The following OGDHL variants were observed in gnomAD, a reference collection of about 807,000 sequenced individuals.
The protein encoded by OGDHL is 2-oxoglutarate dehydrogenase-like, mitochondrial.
A neutral mutation model predicts 109.6 loss-of-function variants in OGDHL; 79 were observed. That is an observed-to-expected ratio of 0.72 (90% confidence interval 0.60 to 0.87). The LOEUF (loss-of-function observed/expected upper bound fraction) is 0.87. Ranked by LOEUF, OGDHL falls within the 40% of genes least tolerant of loss-of-function variation. The probability of loss-of-function intolerance (pLI) is 0.00; values close to 1 mark genes in which losing one functional copy is unlikely to be tolerated. For missense variants in OGDHL, 1,275 were observed against 1,362.2 expected, an observed-to-expected ratio of 0.94 and a Z score of 1.01; for synonymous variants, 528 against 537.2, an observed-to-expected ratio of 0.98 and a Z score of 0.24.
chr10:49,738,112 C>T (rs746975896), intron 18 of OGDHL, 40 bp from the exon 19 acceptor site: 9 of 1,613,986 alleles, frequency 5.6e-6, no homozygotes, highest in Non-Finnish European at 7.6e-6. Flanking sequence ...TGGCTGTCTG[C>T]TGCACCCACA....
chr10:49,744,618 G>A (rs1421205391), intron 13 of OGDHL, 32 bp downstream of exon 13: 1 of 1,554,186 alleles, frequency 6.4e-7, no homozygotes, highest in Admixed American at 1.7e-5. Context: ...AGGCCCAGGG[G>A]AGTCCCTCTG....
chr10:49,743,481 A>C, intron 14 of OGDHL: 1 of 166,224 alleles, frequency 6.0e-6, no homozygotes, highest in Non-Finnish European at 1.3e-5. Context: ...GCCACAGGGG[A>C]CCCTCCGGAC....
At chr10:49,740,489 TC>T (rs1406874659) in intron 16 of OGDHL, among the ~76,000 whole-genome samples, 4 of 151,480 alleles carry the variant, frequency 2.6e-5, no homozygotes, top group Non-Finnish European at 5.9e-5. Flanking sequence ...GGCAAGGAGG[TC>T]CCCCCAACTG....
chr10:49,743,957 C>T (rs759496240), intron 14 of OGDHL, 37 bp downstream of exon 14: 14 of 1,600,554 alleles, frequency 8.7e-6, no homozygotes, highest in Middle Eastern at 3.5e-4. Flanking sequence ...TGGGGTGGGG[C>T]CAGCAGCCTG....
intron 22 of OGDHL, 43 bp downstream of exon 22, chr10:49,735,980 C>T: frequency 6.5e-7 from 1 of 1,530,308 alleles, no homozygotes; most frequent in Non-Finnish European, 8.8e-7. Flanking sequence ...AGGACAGAGC[C>T]TCAGGGCCGA....
At chr10:49,740,250 T>G (rs953054493) in intron 16 of OGDHL, among the ~76,000 whole-genome samples, 1 of 151,620 alleles carries the variant, frequency 6.6e-6, no homozygotes, top group Admixed American at 6.6e-5. Flanking sequence ...TAATGATGCA[T>G]CTGAGGGAGA....
chr10:49,735,562 C>T (rs2132927055), intron 22 of OGDHL, among the ~76,000 whole-genome samples: 1 of 152,352 alleles, frequency 6.6e-6, no homozygotes, highest in Admixed American at 6.5e-5. Context: ...GAGAAACTGT[C>T]CCTCCATGTC....
Position 49,742,848 on chromosome 10 carries a change from A to G in OGDHL, c.1992T>C (p.Asp664=). 1 of 1,613,478 alleles carries G rather than the reference A, an allele frequency of 6.2e-7. No individual in the cohort carries two copies. The highest frequency in any genetic ancestry group is 8.5e-7 in the Non-Finnish European group (1 of 1,179,854). ...CTCACCTGAATGTGCCCCTCTCCAC[A>G]TCCTGCCCGCTGAGCCGCACGTGGA... is the stretch of plus-strand genomic sequence containing the variant. ...EGIHVRLSGQ[D]VERGTFSHRH... Residue 664 remains aspartate (D), a synonymous_variant, in exon 15 of 23, where the codon GAT becomes GAC. Transcript: ENST00000374103.
intron 3 of OGDHL, among the ~76,000 whole-genome samples, chr10:49,753,302 C>A (rs1720359): frequency 0.75 from 114,016 of 152,106 alleles, 42,936 homozygotes; most frequent in East Asian, 0.96. Flanking sequence ...AAAAATTATC[C>A]TCTAGGGGAG....
intron 20 of OGDHL, among the ~76,000 whole-genome samples, chr10:49,737,581 A>G (rs1194853510): frequency 6.6e-6 from 1 of 152,150 alleles, no homozygotes; most frequent in Non-Finnish European, 1.5e-5. Flanking sequence ...TCTACCATGG[A>G]CGCAACCCAC....
intron 17 of OGDHL, 62 bp downstream of exon 17, chr10:49,739,599 A>C (rs1334453851): frequency 6.4e-7 from 1 of 1,567,696 alleles, no homozygotes; most frequent in African/African-American, 1.3e-5. Flanking sequence ...CCCAGGGTCC[A>C]TCCCGCCCCT....
chr10:49,748,742 CCACACA>C (rs3223401), intron 8 of OGDHL, among the ~76,000 whole-genome samples: 56 of 133,952 alleles, frequency 4.2e-4, no homozygotes, highest in Admixed American at 1.3e-3. Context: ...AGGTATGGGT[CCACACA>C]CACACACACA....
Position 49,744,765 on chromosome 10 carries a change from T to A in OGDHL, c.1630-13A>T, listed in dbSNP as rs1193631795. On this transcript the variant is annotated splice_polypyrimidine_tract_variant and intron_variant, in intron 12 of 22. Coordinates refer to ENST00000374103, the MANE Select transcript of OGDHL (RefSeq NM_018245.3). Reference sequence around the variant, plus strand: ...TGGCAATTTCTTCCTGGAATCAGGATGAAGATGTGGACAGAGCACCAAAGC... The same window carrying A: ...TGGCAATTTCTTCCTGGAATCAGGAAGAAGATGTGGACAGAGCACCAAAGC... 6 of 1,604,326 alleles carry A rather than the reference T, an allele frequency of 3.7e-6. No homozygotes were observed. Among genetic ancestry groups the A allele is most frequent in the Non-Finnish European group, 5.1e-6 (6 of 1,171,190 alleles).
chr10:49,757,280 C>T (rs1842974244), intron 2 of OGDHL, among the ~76,000 whole-genome samples: 1 of 152,162 alleles, frequency 6.6e-6, no homozygotes, highest in Non-Finnish European at 1.5e-5. Flanking sequence ...GTGAATGAAG[C>T]AGAAGAGGAT....
chr10:49,752,316 G>T, intron 4 of OGDHL, 68 bp from the exon 5 acceptor site: 1 of 1,184,192 alleles, frequency 8.4e-7, no homozygotes, highest in Non-Finnish European at 1.2e-6. Flanking sequence ...CCCAGGTGGA[G>T]CCCCGCAGTC....
At chr10:49,756,053 G>T (rs1842895442) in intron 3 of OGDHL, among the ~76,000 whole-genome samples, 1 of 152,178 alleles carries the variant, frequency 6.6e-6, no homozygotes, top group African/African-American at 2.4e-5. Flanking sequence ...CCACAGATTG[G>T]GCAGCTCATT....
intron 13 of OGDHL, 86 bp downstream of exon 13, chr10:49,744,564 G>T: frequency 1.9e-6 from 2 of 1,066,190 alleles, no homozygotes; most frequent in African/African-American, 1.6e-5. Flanking sequence ...AATGACAGCT[G>T]TCACCCAGGG....
In OGDHL at chr10:49,744,679, A is replaced by G; in HGVS notation, c.1703T>C (p.Ile568Thr). 3.1e-6 allele frequency: 5 copies of G among 1,614,144 alleles called. No homozygotes were observed. Among genetic ancestry groups the G allele is most frequent in the South Asian group, 1.1e-5 (1 of 91,080 alleles). The change falls in exon 13 of 23, where the codon ATA becomes ACA. Residue 568 changes from isoleucine to threonine, a missense_variant. Ile to Thr is a moderately conservative substitution (Grantham distance 89, BLOSUM62 -1). Coordinates refer to ENST00000374103, the MANE Select transcript of OGDHL (RefSeq NM_018245.3). ...CCAGGGGGAGTCCAACCAGTGCTTT[A>G]TATGCAGAATCTTTTTATCCTTGGA... is the stretch of plus-strand genomic sequence containing the variant. The part of the protein sequence containing the change: ...GRSKDKKILH[I>T]KHWLDSPWPG...
intron 6 of OGDHL, among the ~76,000 whole-genome samples, 193 bp from the exon 7 acceptor site, chr10:49,751,178 T>G (rs1842564594): frequency 6.6e-6 from 1 of 152,078 alleles, no homozygotes; most frequent in African/African-American, 2.4e-5. Context: ...AACACAGGGT[T>G]AGGGGAGGCT....
Sources: gnomAD v4.1 joint callset for allele counts (sites outside exome capture counted in the v4.1 genomes callset) on GRCh38, gnomAD v4.1.1 for gene constraint, MANE v1.5 for transcripts, NCBI Gene and HGNC (gene_info 2026-07-23, HGNC 2026-07-21) for gene names.